NELL2: variants seen among roughly 807,000 people sequenced by gnomAD.
The protein encoded by NELL2 is neural EGFL like 2.
Under a neutral mutation model 109.6 loss-of-function variants are expected in NELL2, and 41 were observed. The ratio of observed to expected loss-of-function variants is 0.37; its 90% CI spans 0.29 to 0.49. The LOEUF (loss-of-function observed/expected upper bound fraction) is 0.49. NELL2 is among the 20% of genes least tolerant of loss of function. The pLI is 0.98. For synonymous variants in NELL2, 355 were observed against 344.7 expected, an observed-to-expected ratio of 1.03 and a Z score of -0.33; for missense variants, 900 against 1,008.3, an observed-to-expected ratio of 0.89 and a Z score of 1.45.
chr12:44,804,573 T>G (rs1942937331), intron 3 of NELL2, among the ~76,000 whole-genome samples: 1 of 151,834 alleles, frequency 6.6e-6, no homozygotes, highest in African/African-American at 2.4e-5. Flanking sequence ...TCCTGAATAG[T>G]AAACTGTAGA....
intron 15 of NELL2, among the ~76,000 whole-genome samples, chr12:44,598,569 T>C (rs1040700232): frequency 2.6e-5 from 4 of 152,224 alleles, no homozygotes; most frequent in African/African-American, 4.8e-5. Context: ...ATCATACTTA[T>C]GTTTAAAACA....
chr12:44,808,352 A>G (rs1220079638), intron 3 of NELL2, among the ~76,000 whole-genome samples: 1 of 152,002 alleles, frequency 6.6e-6, no homozygotes, highest in African/African-American at 2.4e-5. Context: ...ACTTTCTTTG[A>G]TGAGCACCTG....
chr12:44,880,189 G>A (rs945252471), upstream of NELL2, among the ~76,000 whole-genome samples: 7 of 150,940 alleles, frequency 4.6e-5, no homozygotes, highest in African/African-American at 1.7e-4. Context: ...ATGACCTCAG[G>A]ATATCAAAAA....
intron 10 of NELL2, 138 bp downstream of exon 10, chr12:44,714,512 C>A: frequency 5.7e-6 from 3 of 524,272 alleles, no homozygotes; most frequent in African/African-American, 2.0e-5. Context: ...TCTTTACATT[C>A]AAATGATAAT....
chr12:44,565,360 A>T (rs924092792), intron 15 of NELL2, among the ~76,000 whole-genome samples: 1 of 152,210 alleles, frequency 6.6e-6, no homozygotes, highest in African/African-American at 2.4e-5. Flanking sequence ...AAACAATGAC[A>T]TCATCATTAG....
At chr12:44,789,420 G>A (rs926135141) in intron 3 of NELL2, among the ~76,000 whole-genome samples, 1 of 152,158 alleles carries the variant, frequency 6.6e-6, no homozygotes, top group Non-Finnish European at 1.5e-5. Context: ...TATAGGAAAA[G>A]GGGTAGAGTA....
At chr12:44,566,821 A>ATT (rs58233324) in intron 15 of NELL2, among the ~76,000 whole-genome samples, 5 of 146,534 alleles carry the variant, frequency 3.4e-5, no homozygotes, top group Non-Finnish European at 7.6e-5. Flanking sequence ...TACTATATGC[A>ATT]TTTTTTTTTT....
intron 3 of NELL2, among the ~76,000 whole-genome samples, chr12:44,796,394 T>C (rs1272325912): frequency 4.6e-5 from 7 of 152,170 alleles, no homozygotes; most frequent in African/African-American, 1.7e-4. Flanking sequence ...AGTTTGAATA[T>C]ATCCAGTGAC....
intron 15 of NELL2, among the ~76,000 whole-genome samples, chr12:44,585,216 G>A (rs1010793693): frequency 1.3e-5 from 2 of 152,128 alleles, no homozygotes; most frequent in Non-Finnish European, 2.9e-5. Flanking sequence ...TTACAGAAAC[G>A]CTTACACATT....
In NELL2 at chr12:44,697,059, A is replaced by C. The variant is rs139505169; in HGVS notation, c.1318+6667T>G. On this transcript the variant is annotated intron_variant, in intron 12 of 19. Coordinates refer to ENST00000429094, the MANE Select transcript of NELL2 (RefSeq NM_001145108.2). ...GCATATAACGAATGTAACCAACTTT[A>C]ACATAGGCTAATAATAGTTGTAAAT... Among the ~76,000 whole-genome samples, 1,179 of 152,342 alleles carry C rather than the reference A, an allele frequency of 7.7e-3. 11 individuals carry two copies. The highest frequency in any genetic ancestry group is 0.011 in the Non-Finnish European group (778 of 68,038).
intron 12 of NELL2, among the ~76,000 whole-genome samples, chr12:44,678,244 G>A (rs1435247160): frequency 6.6e-6 from 1 of 151,978 alleles, no homozygotes; most frequent in Admixed American, 6.6e-5. Flanking sequence ...CCTATATTTG[G>A]AAAAATCTTT....
chr12:44,758,913 A>G (rs556176171), intron 9 of NELL2, among the ~76,000 whole-genome samples: 1 of 152,300 alleles, frequency 6.6e-6, no homozygotes, highest in East Asian at 1.9e-4. Context: ...CTGCCCCAAA[A>G]GTAAAACTTC....
chr12:44,528,939 G>GGTA (rs1365887453), intron 16 of NELL2, among the ~76,000 whole-genome samples: 5 of 152,154 alleles, frequency 3.3e-5, no homozygotes, highest in African/African-American at 9.7e-5. Context: ...TTTTAGAAAT[G>GGTA]GTAAGAAGGC....
In NELL2 at chr12:44,779,951, G is replaced by A. The variant is rs1451857631; in HGVS notation, c.407C>T (p.Pro136Leu). 1.9e-6 allele frequency: 3 copies of A among 1,613,798 alleles called. No homozygotes were observed. Among genetic ancestry groups the A allele is most frequent in the Admixed American group, 3.3e-5 (2 of 59,994 alleles). ...AATGTAAGGAAACACTTCTGTGTGA[G>A]GGCGGTGACTGCCTGAGCGGTAATG... Reference protein sequence around the residue: ...RLHYRSGSHRPHTEVFPYILA... With the variant: ...RLHYRSGSHRLHTEVFPYILA... Residue 136 changes from proline to leucine, a missense_variant, in exon 4 of 20, where the codon CCT (proline) becomes CTT (leucine). Around this residue, in one of 4 missense-constraint regions of NELL2, gnomAD observed 200 missense variants for 191.8 expected, o/e 1.04. Coordinates refer to ENST00000429094, the MANE Select transcript of NELL2 (RefSeq NM_001145108.2).
chr12:44,821,046 T>TAC (rs10664645), intron 2 of NELL2, among the ~76,000 whole-genome samples: 50,134 of 148,518 alleles, frequency 0.34, 8,482 homozygotes, highest in African/African-American at 0.37. Context: ...GCTTTATAAA[T>TAC]ACACACACAC....
intron 1 of NELL2, among the ~76,000 whole-genome samples, chr12:44,901,927 A>G (rs1290588190): frequency 6.6e-6 from 1 of 152,192 alleles, no homozygotes; most frequent in Non-Finnish European, 1.5e-5. Context: ...TATTTATGAC[A>G]AACCCACAGC....
At chr12:44,772,129 T>G (rs1330394603) in intron 9 of NELL2, among the ~76,000 whole-genome samples, 1 of 152,190 alleles carries the variant, frequency 6.6e-6, no homozygotes, top group Non-Finnish European at 1.5e-5. Flanking sequence ...GAAGAGGGCT[T>G]ATATTTATAT....
At chr12:44,877,923 T>C (rs139745153), upstream of NELL2, among the ~76,000 whole-genome samples, 3 of 152,292 alleles carry the variant, frequency 2.0e-5, no homozygotes, top group African/African-American at 7.2e-5. Flanking sequence ...GAAAAGAAAT[T>C]AATCATCAGA....
chr12:44,684,358 C>CA (rs1438940727), intron 12 of NELL2, among the ~76,000 whole-genome samples: 6 of 152,012 alleles, frequency 3.9e-5, no homozygotes, highest in African/African-American at 1.4e-4. Flanking sequence ...TTGATCCTTT[C>CA]AAAAAACCAG....
Sources: gnomAD v4.1 joint callset for allele counts (sites outside exome capture counted in the v4.1 genomes callset) on GRCh38, gnomAD v4.1.1 for gene constraint, gnomAD v4.1.1 regional missense constraint, MANE v1.5 for transcripts, NCBI Gene and HGNC (gene_info 2026-07-23, HGNC 2026-07-21) for gene names.